The following FARP1 variants were observed in gnomAD, a reference collection of about 807,000 sequenced individuals.
FARP1 encodes the protein FERM, ARHGEF and pleckstrin domain-containing protein 1.
Under a neutral mutation model 128.8 loss-of-function variants are expected in FARP1, and 52 were observed. The ratio of observed to expected loss-of-function variants is 0.40; its 90% CI spans 0.32 to 0.51. The LOEUF (loss-of-function observed/expected upper bound fraction) is 0.51. FARP1 is among the 20% of genes least tolerant of loss of function. The pLI is 0.45. For missense variants in FARP1, 1,333 were observed against 1,367.9 expected (o/e 0.97, Z 0.40); for synonymous variants, 580 against 551.8 (o/e 1.05, Z -0.72).
At position 98,446,740 on chromosome 13, in the gene FARP1, G is replaced by C. The variant is rs1323838053; in HGVS notation, c.2979G>C (p.Gln993His). 2.5e-6 allele frequency: 4 copies of C among 1,614,034 alleles called. No homozygotes were observed. The highest frequency in any genetic ancestry group is 3.4e-6 in the Non-Finnish European group (4 of 1,180,020). ...LTIPSESENI[Q>H]KDYVFKLHFK... ...TCCCCTCTGAGTCCGAGAACATCCA[G>C]AAAGACTACGTGTTCAAGCTGCACT... Residue 993 changes from glutamine to histidine, a missense_variant, in exon 26 of 27, where the codon CAG becomes CAC. Physicochemically the swap from Gln to His is conservative, Grantham distance 24. This residue lies in a region of FARP1 where 1,009 missense variants were observed against 969.8 expected (regional missense o/e 1.04). Coordinates refer to ENST00000319562, the MANE Select transcript of FARP1 (RefSeq NM_005766.4).
intron 1 of FARP1, among the ~76,000 whole-genome samples, chr13:98,183,104 T>A (rs1878638511): frequency 6.6e-6 from 1 of 152,218 alleles, no homozygotes; most frequent in Non-Finnish European, 1.5e-5. Context: ...TTGTTAGGTT[T>A]TATCTTCTTT....
intron 1 of FARP1, among the ~76,000 whole-genome samples, chr13:98,143,788 C>T (rs1333615362): frequency 1.3e-5 from 2 of 151,760 alleles, no homozygotes; most frequent in Non-Finnish European, 2.9e-5. Flanking sequence ...CGCCGGTCCC[C>T]GCTCGCCTCC....
At chr13:98,435,537 C>G in intron 18 of FARP1, 39 bp from the exon 19 acceptor site, 1 of 1,571,082 alleles carries the variant, frequency 6.4e-7, no homozygotes, top group Non-Finnish European at 8.6e-7. Flanking sequence ...CCCCTGCCTG[C>G]CTTTCCCGCT....
In FARP1 at chr13:98,343,815, C is replaced by T. The variant is rs201909278; in HGVS notation, c.225C>T (p.Leu75=). Residue 75 remains leucine, a synonymous_variant, in exon 3 of 27, where the codon CTC becomes CTT. Transcript: ENST00000319562. ...LLDAVCNHLN[L]VEGDYFGLEF... ...ATGCAGTTTGCAACCACCTCAACCT[C>T]GTGGAAGGTGACTATTTTGGCCTCG... The T allele has an allele frequency of 5.6e-6, 9 of 1,614,048 alleles. No individual in the cohort carries two copies. Among genetic ancestry groups the T allele is most frequent in the East Asian group, 4.5e-5 (2 of 44,884 alleles).
intron 1 of FARP1, among the ~76,000 whole-genome samples, chr13:98,151,538 G>A (rs9517198): frequency 0.16 from 23,936 of 151,770 alleles, 2,372 homozygotes; most frequent in Middle Eastern, 0.26. Flanking sequence ...GATTTGAACT[G>A]AAATTTGTGA....
At chr13:98,431,735 C>A (rs1275656451) in intron 18 of FARP1, 3 of 153,634 alleles carry the variant, frequency 2.0e-5, no homozygotes, top group Admixed American at 6.5e-5. Context: ...GCTGGGATTA[C>A]AGGCGTGAGC....
intron 2 of FARP1, among the ~76,000 whole-genome samples, chr13:98,263,125 C>T (rs1414953108): frequency 6.6e-6 from 1 of 152,110 alleles, no homozygotes; most frequent in Non-Finnish European, 1.5e-5. Flanking sequence ...TCTCCTGCCT[C>T]AGCCTCCTGA....
intron 2 of FARP1, among the ~76,000 whole-genome samples, chr13:98,215,136 T>C (rs1318715576): frequency 6.6e-6 from 1 of 152,216 alleles, no homozygotes; most frequent in East Asian, 1.9e-4. Flanking sequence ...ACCCCATTCC[T>C]AGCTACTATT....
intron 2 of FARP1, among the ~76,000 whole-genome samples, chr13:98,231,210 A>G (rs935931196): frequency 6.6e-6 from 1 of 151,710 alleles, no homozygotes; most frequent in African/African-American, 2.4e-5. Context: ...TGCAAGGATA[A>G]CCCCAAGATA....
chr13:98,445,765 C>T, intron 24 of FARP1: 1 of 195,816 alleles, frequency 5.1e-6, no homozygotes, highest in South Asian at 8.5e-5. Flanking sequence ...CCCACCCTAC[C>T]CCAGTGTGAT....
At position 98,179,171 on chromosome 13, in the gene FARP1, T is replaced by G. The variant is rs1878325083; in HGVS notation, c.-23-34049T>G. Among the ~76,000 whole-genome samples, 2 of 152,062 alleles carry G rather than the reference T, an allele frequency of 1.3e-5. 1 individual carries two copies. The highest frequency in any genetic ancestry group is 4.2e-4 in the South Asian group (2 of 4,812). The stretch of plus-strand genomic sequence containing the variant: ...CCATGTGGCTAGGGAGGTCTCACAA[T>G]CCATGGTAGAAGGTGAAAGGCATGT... On this transcript the variant is annotated intron_variant, in intron 1 of 26. Transcript: ENST00000319562.
Position 98,297,088 on chromosome 13 carries a change from G to A in FARP1, c.172-46674G>A, listed in dbSNP as rs867355688. The stretch of plus-strand genomic sequence containing the variant: ...TGCTTTTCTTCAAGTGAGAATATGG[G>A]GCATAGGGCTTTCTTTATTGTGCAC... On this transcript the variant is annotated intron_variant, in intron 2 of 26. Coordinates refer to ENST00000319562, the MANE Select transcript of FARP1 (RefSeq NM_005766.4). 3.9e-5 allele frequency among the ~76,000 whole-genome samples: 6 copies of A among 152,238 alleles called. No individual in the cohort carries two copies. The South Asian group carries it at 1.2e-3, about 32-fold the overall frequency.
rs780967752 is a variant in FARP1 at position 98,385,714 on chromosome 13, G to T, written c.659G>T (p.Arg220Leu). The change falls in exon 8 of 27, where the codon CGT becomes CTT. Residue 220 changes from arginine (R) to leucine (L), a missense_variant. Physicochemically the swap from Arg to Leu is moderately radical, Grantham distance 102 (BLOSUM62 -2). Coordinates refer to ENST00000319562, the MANE Select transcript of FARP1 (RefSeq NM_005766.4). ...GATTTCCAGCTCCTAGAGATTGCCCGTCGGCTAGAGATGTATGGAATCCGG... is the reference window on the plus strand; with the variant it reads ...GATTTCCAGCTCCTAGAGATTGCCCTTCGGCTAGAGATGTATGGAATCCGG... ...ESDFQLLEIARRLEMYGIRLH... is the reference protein window; with the variant it reads ...ESDFQLLEIALRLEMYGIRLH... 1.2e-6 allele frequency: 2 copies of T among 1,614,168 alleles called. No homozygotes were observed. The highest frequency in any genetic ancestry group is 1.7e-6 in the Non-Finnish European group (2 of 1,180,030).
chr13:98,423,677 T>C (rs1166874216), intron 16 of FARP1, among the ~76,000 whole-genome samples: 1 of 152,022 alleles, frequency 6.6e-6, no homozygotes, highest in Non-Finnish European at 1.5e-5. Flanking sequence ...AAGTTCGTGG[T>C]TTCTTCATGC....
chr13:98,157,521 G>A (rs375326887), intron 1 of FARP1, among the ~76,000 whole-genome samples: 127 of 152,222 alleles, frequency 8.3e-4, no homozygotes, highest in African/African-American at 2.6e-3. Flanking sequence ...TGGACCCTCC[G>A]TGCTTGTACT....
At chr13:98,173,281 G>GA (rs1877776310) in intron 1 of FARP1, among the ~76,000 whole-genome samples, 1 of 152,194 alleles carries the variant, frequency 6.6e-6, no homozygotes, top group African/African-American at 2.4e-5. Flanking sequence ...TTGGCACACA[G>GA]AAAAAGTCAA....
In FARP1 at chr13:98,446,667, A is replaced by ACAAT; in HGVS notation, c.2909_2912dup (p.His971GlnfsTer19). Reference sequence around the variant, plus strand: ...CTTTGCTTTGTTTCCCCTTTCCAGGACAATCATCCCCTTGCCAGCCTGCCT... The same window carrying ACAAT: ...CTTTGCTTTGTTTCCCCTTTCCAGGACAATCAATCATCCCCTTGCCAGCCTGCCT... On this transcript the variant is annotated frameshift_variant and splice_region_variant, in exon 26 of 27. Transcript: ENST00000319562. LOFTEE classifies it high-confidence loss of function. The ACAAT allele has an allele frequency of 1.9e-6, 3 of 1,614,066 alleles. No individual in the cohort carries two copies. The highest frequency in any genetic ancestry group is 2.5e-6 in the Non-Finnish European group (3 of 1,179,996).
At chr13:98,414,493 T>C (rs1045497277) in intron 16 of FARP1, among the ~76,000 whole-genome samples, 1 of 152,190 alleles carries the variant, frequency 6.6e-6, no homozygotes, top group Non-Finnish European at 1.5e-5. Context: ...GAGTTTAGTA[T>C]GAGCCATAGA....
intron 2 of FARP1, among the ~76,000 whole-genome samples, chr13:98,308,382 C>T (rs142915573): frequency 3.9e-5 from 6 of 152,208 alleles, no homozygotes; most frequent in South Asian, 2.1e-4. Flanking sequence ...TTGTAGGTCC[C>T]GTAGCTGAGA....
Sources: allele counts gnomAD v4.1 joint callset (sites outside exome capture counted in the v4.1 genomes callset), GRCh38; gene constraint gnomAD v4.1.1; regional missense constraint gnomAD v4.1.1; transcripts MANE v1.5; gene names NCBI Gene and HGNC (gene_info 2026-07-23, HGNC 2026-07-21).